Variants in ERLEC1 observed in about 807,000 individuals in gnomAD.
The protein encoded by ERLEC1 is endoplasmic reticulum lectin 1, also known as ER lectin.
In ERLEC1, 47 loss-of-function variants were observed where a neutral mutation model predicts 68.0. The observed-to-expected ratio is 0.69, with a 90% CI of 0.55 to 0.88. The LOEUF (loss-of-function observed/expected upper bound fraction) is 0.88. Among genes scored for constraint, ERLEC1 ranks in the 40% least tolerant of loss-of-function variants. The pLI is 0.00. For synonymous variants in ERLEC1, 225 were observed against 203.2 expected (o/e 1.11, Z -0.91); for missense variants, 567 against 583.8 (o/e 0.97, Z 0.30).
chr2:53,800,820 G>C (rs577383039), intron 6 of ERLEC1, among the ~76,000 whole-genome samples: 3 of 151,954 alleles, frequency 2.0e-5, no homozygotes, highest in African/African-American at 7.2e-5. Flanking sequence ...ATTTATATAG[G>C]AGTTTACATG....
At chr2:53,815,722 G>GT (rs1676842084) in intron 13 of ERLEC1, among the ~76,000 whole-genome samples, 1 of 151,878 alleles carries the variant, frequency 6.6e-6, no homozygotes, top group East Asian at 1.9e-4. Context: ...TTTTGGTGGT[G>GT]TTTTGTTTAG....
intron 1 of ERLEC1, among the ~76,000 whole-genome samples, chr2:53,792,068 C>T (rs939315531): frequency 2.0e-5 from 3 of 151,952 alleles, no homozygotes; most frequent in African/African-American, 4.8e-5. Flanking sequence ...CCCGCCACCA[C>T]GGCCGGCTAA....
intron 1 of ERLEC1, among the ~76,000 whole-genome samples, chr2:53,789,770 A>G (rs1451074871): frequency 6.6e-6 from 1 of 151,936 alleles, no homozygotes; most frequent in Non-Finnish European, 1.5e-5. Flanking sequence ...TATAATCCCA[A>G]CATTTTGGGA....
At chr2:53,788,674 A>T (rs1413451196) in intron 1 of ERLEC1, 1 of 151,964 alleles carries the variant, frequency 6.6e-6, no homozygotes, top group Non-Finnish European at 1.5e-5. Flanking sequence ...CTGGGATTAC[A>T]TGTGTGAACC....
intron 8 of ERLEC1, among the ~76,000 whole-genome samples, chr2:53,806,595 A>G (rs1676306624): frequency 6.6e-6 from 1 of 152,226 alleles, no homozygotes; most frequent in Non-Finnish European, 1.5e-5. Flanking sequence ...ATAAGACAGC[A>G]TCTTGACAGT....
chr2:53,801,063 A>T (rs1675976874), intron 6 of ERLEC1, among the ~76,000 whole-genome samples: 1 of 152,058 alleles, frequency 6.6e-6, no homozygotes, highest in African/African-American at 2.4e-5. Flanking sequence ...TCTATATTTT[A>T]TCTTAGTCTC....
chr2:53,808,250 G>C (rs751190853), intron 8 of ERLEC1, 49 bp from the exon 9 acceptor site: 2 of 1,564,828 alleles, frequency 1.3e-6, no homozygotes, highest in Non-Finnish European at 1.7e-6. Flanking sequence ...ACTGAAAAAA[G>C]AAATTAAGTT....
At position 53,797,786 on chromosome 2, in the gene ERLEC1, T is replaced by C; in HGVS notation, c.481T>C (p.Phe161Leu). Residue 161 changes from phenylalanine (F) to leucine (L), a missense_variant, in exon 5 of 14, where the codon TTT (phenylalanine) becomes CTT (leucine). Transcript: ENST00000185150. The stretch of plus-strand genomic sequence containing the variant: ...GAATATGTTGGCCAAGAACCTTCTA[T>C]TTGAAAAAGGTTGGTGTCTACCCAG... ...LGNMLAKNLL[F>L]EKEREAEEKE... The C allele has an allele frequency of 1.2e-6, 2 of 1,612,212 alleles. No homozygotes were observed. The highest frequency in any genetic ancestry group is 1.7e-6 in the Non-Finnish European group (2 of 1,178,936).
intron 10 of ERLEC1, 89 bp downstream of exon 10, chr2:53,809,362 T>A: frequency 1.1e-6 from 1 of 922,990 alleles, no homozygotes; most frequent in Non-Finnish European, 1.6e-6. Context: ...ATGGTATAAC[T>A]TTTAATTATG....
At chr2:53,792,084 T>G (rs1675435951) in intron 1 of ERLEC1, among the ~76,000 whole-genome samples, 1 of 151,842 alleles carries the variant, frequency 6.6e-6, no homozygotes, top group Non-Finnish European at 1.5e-5. Flanking sequence ...GCTAAATTTT[T>G]TTTGTATTTT....
intron 6 of ERLEC1, 84 bp downstream of exon 6, chr2:53,799,165 A>ATTCTG: frequency 8.7e-7 from 1 of 1,146,080 alleles, no homozygotes; most frequent in Non-Finnish European, 1.3e-6. Flanking sequence ...GACAGAATAT[A>ATTCTG]TCTTTATGTT....
At position 53,794,365 on chromosome 2, in the gene ERLEC1, T is replaced by A; in HGVS notation, c.183T>A (p.Tyr61Ter). 1.3e-6 allele frequency: 2 copies of A among 1,554,842 alleles called. No individual in the cohort carries two copies. The highest frequency in any genetic ancestry group is 1.8e-6 in the Non-Finnish European group (2 of 1,142,084). ...TGCAGCCCACAACTGGAGTTTTATA[T>A]AAAGAAGATAATTATGTCATCATGA... ...EFSLPTTGVL[Y>*]KEDNYVIMTT... Residue 61 changes from tyrosine to a stop codon, truncating the protein, a stop_gained, in exon 2 of 14, where the codon TAT becomes TAA. Transcript: ENST00000185150. LOFTEE classifies it high-confidence loss of function.
chr2:53,799,933 A>C lies in ERLEC1; in HGVS notation c.525+852A>C, dbSNP rs554717056. Among the ~76,000 whole-genome samples, 45 of 152,298 alleles carry C rather than the reference A, an allele frequency of 3.0e-4. No individual in the cohort carries two copies. The South Asian group carries it at 9.3e-3, about 32-fold the overall frequency. On this transcript the variant is annotated intron_variant, in intron 6 of 13. Coordinates refer to ENST00000185150, the MANE Select transcript of ERLEC1 (RefSeq NM_015701.5). ...ACTCTGAAAGACAGCAAAAGATGGA[A>C]TTCAAAGTGTAAAATGATAAAGGAA...
chr2:53,788,487 C>G (rs1675202608), intron 1 of ERLEC1: 1 of 152,046 alleles, frequency 6.6e-6, no homozygotes, highest in Non-Finnish European at 1.5e-5. Flanking sequence ...GCTGCAGCCT[C>G]GACCTCCTGG....
intron 1 of ERLEC1, among the ~76,000 whole-genome samples, chr2:53,790,415 A>T (rs923444548): frequency 1.3e-5 from 2 of 151,618 alleles, no homozygotes; most frequent in Non-Finnish European, 2.9e-5. Flanking sequence ...GGACATTTGT[A>T]TCTAACTAAT....
At chr2:53,789,077 C>A (rs115191542) in intron 1 of ERLEC1, among the ~76,000 whole-genome samples, 2,240 of 151,968 alleles carry the variant, frequency 0.015, 48 homozygotes, top group African/African-American at 0.05. Flanking sequence ...CAACTTTTCA[C>A]GTATCTAACA....
chr2:53,804,346 T>C (rs1676167164), intron 8 of ERLEC1, among the ~76,000 whole-genome samples: 1 of 152,096 alleles, frequency 6.6e-6, no homozygotes, highest in East Asian at 1.9e-4. Context: ...CAATCTTGGC[T>C]CACTGCAACC....
At chr2:53,805,174 C>G (rs1380625217) in intron 8 of ERLEC1, among the ~76,000 whole-genome samples, 2 of 151,556 alleles carry the variant, frequency 1.3e-5, no homozygotes, top group African/African-American at 4.9e-5. Context: ...AGGCACCCAC[C>G]ACCATGCCCG....
At chr2:53,805,109 A>G (rs2104315232) in intron 8 of ERLEC1, among the ~76,000 whole-genome samples, 1 of 145,958 alleles carries the variant, frequency 6.9e-6, no homozygotes, top group South Asian at 2.2e-4. Context: ...ATTCTCCTCC[A>G]ACTCCTGGTT....
Sources: allele counts gnomAD v4.1 joint callset (sites outside exome capture counted in the v4.1 genomes callset), GRCh38; gene constraint gnomAD v4.1.1; transcripts MANE v1.5; gene names NCBI Gene and HGNC (gene_info 2026-07-23, HGNC 2026-07-21).